The following NAPG variants were observed in gnomAD, a reference collection of about 807,000 sequenced individuals.
The protein encoded by NAPG is gamma-soluble NSF attachment protein.
A neutral mutation model predicts 48.4 loss-of-function variants in NAPG; 25 were observed. The ratio of observed to expected loss-of-function variants is 0.52; its 90% CI spans 0.38 to 0.72. The LOEUF (loss-of-function observed/expected upper bound fraction) is 0.72. NAPG is among the 30% of genes least tolerant of loss of function. The pLI is 0.00. For synonymous variants in NAPG, 139 were observed against 127.2 expected (o/e 1.09, Z -0.62); for missense variants, 359 against 372.5 (o/e 0.96, Z 0.30).
intron 1 of NAPG, among the ~76,000 whole-genome samples, chr18:10,527,489 G>T (rs1194383646): frequency 2.0e-5 from 3 of 152,192 alleles, no homozygotes; most frequent in African/African-American, 7.2e-5. Flanking sequence ...ACAACATTCT[G>T]CTTTCTAGTG....
Position 10,534,250 on chromosome 18 carries a change from C to A in NAPG, c.228-216C>A, listed in dbSNP as rs2031987040. Among the ~76,000 whole-genome samples the A allele has an allele frequency of 6.6e-6, 1 of 152,206 alleles. No homozygotes were observed. Among genetic ancestry groups the A allele is most frequent in the Admixed American group, 6.5e-5 (1 of 15,280 alleles). On this transcript the variant is annotated intron_variant, in intron 4 of 11. Transcript: ENST00000322897. The surrounding 1 kb of genome is among the most constrained non-coding windows in gnomAD (Gnocchi z 5.0). ...TAATTTTGCATCTGCAAAATAAAAT[C>A]TCTTTAACTCAAATGTCTGATGTTC... is the stretch of plus-strand genomic sequence containing the variant.
Position 10,534,921 on chromosome 18 carries a change from AT to A in NAPG, c.258+428del, listed in dbSNP as rs1315948767. Among the ~76,000 whole-genome samples the A allele has an allele frequency of 6.6e-6, 1 of 152,240 alleles. No homozygotes were observed. Among genetic ancestry groups the A allele is most frequent in the Non-Finnish European group, 1.5e-5 (1 of 68,040 alleles). On this transcript the variant is annotated intron_variant, in intron 5 of 11. Transcript: ENST00000322897. The surrounding 1 kb of genome is among the most constrained non-coding windows in gnomAD (Gnocchi z 5.0). ...CAGTTGGCAGCAGAAACAACCACAG[AT>A]TTAAGCTTTTGCTACTTTAATTCAT...
Position 10,534,489 on chromosome 18 carries a change from T to C in NAPG, c.251T>C (p.Met84Thr). 1 of 1,613,150 alleles carries C rather than the reference T, an allele frequency of 6.2e-7. No homozygotes were observed. Among genetic ancestry groups the C allele is most frequent in the Non-Finnish European group, 8.5e-7 (1 of 1,179,338 alleles). Residue 84 changes from methionine to threonine, a missense_variant, in exon 5 of 12, where the codon ATG (methionine) becomes ACG (threonine). By Grantham distance (81) the Met-to-Thr change is moderately conservative. Transcript: ENST00000322897. The surrounding 1 kb of genome is among the most constrained non-coding windows in gnomAD (Gnocchi z 5.0). ...AAKAYEQAGM[M>T]LKEMQKLPEA... Reference sequence around the variant, plus strand: ...AGAGCTTATGAGCAAGCTGGAATGATGTTGAAGGTCAGTAATGTTATGTCA... The same window carrying C: ...AGAGCTTATGAGCAAGCTGGAATGACGTTGAAGGTCAGTAATGTTATGTCA...
intron 2 of NAPG, 107 bp downstream of exon 2, chr18:10,530,944 G>A: frequency 1.1e-6 from 1 of 881,118 alleles, no homozygotes; most frequent in South Asian, 3.3e-5. Flanking sequence ...GGCTTTAATA[G>A]TTAAAAAACA....
At position 10,552,173 on chromosome 18, in the gene NAPG, T is replaced by G. The variant is rs1017626126; in HGVS notation, c.*1953T>G. 4 of 152,194 alleles carry G rather than the reference T, an allele frequency of 2.6e-5. No individual in the cohort carries two copies. The highest frequency in any genetic ancestry group is 9.7e-5 in the African/African-American group (4 of 41,450). 9.4% of individuals were successfully genotyped at this position (152,194 alleles called of 1,614,324 possible). On this transcript the variant is annotated 3_prime_UTR_variant, in exon 12 of 12. Transcript: ENST00000322897. ...GGGAAAAAATTTTTTAATTTTACTCTTCTTATGTACTGAAAACTTTTTTTA... is the reference window on the plus strand; with the variant it reads ...GGGAAAAAATTTTTTAATTTTACTCGTCTTATGTACTGAAAACTTTTTTTA...
chr18:10,546,397 G>T lies in NAPG; in HGVS notation c.578G>T (p.Cys193Phe). 6.5e-7 allele frequency: 1 copy of T among 1,530,980 alleles called. No homozygotes were observed. The highest frequency in any genetic ancestry group is 8.9e-7 in the Non-Finnish European group (1 of 1,123,068). 94.8% of individuals were successfully genotyped at this position (1,530,980 alleles called of 1,614,324 possible). The change falls in exon 9 of 12, where the codon TGT becomes TTT. Residue 193 changes from cysteine (C) to phenylalanine (F), a missense_variant. Coordinates refer to ENST00000322897, the MANE Select transcript of NAPG (RefSeq NM_003826.3). The surrounding 1 kb of genome is among the most constrained non-coding windows in gnomAD (Gnocchi z 4.0). ...IYKEIENYPTCYKKTIAQVLV... is the reference protein window; with the variant it reads ...IYKEIENYPTFYKKTIAQVLV... ...AAGGAAATTGAGAATTATCCAACTT[G>T]TTATAAGGTATTCTTTGAAAGTGTT...
rs496207 is a variant in NAPG, at chr18:10,530,788, A to G, written c.75A>G (p.Leu25=). The part of the protein sequence containing the change: ...KAEKYLKTGF[L]KWKPDYDSAA... The stretch of plus-strand genomic sequence containing the variant: ...ATTCTAGCCTGAAAACTGGTTTTTT[A>G]AAATGGAAGCCAGATTATGACAGTG... The change falls in exon 2 of 12, where the codon TTA becomes TTG. Residue 25 remains leucine (L), a synonymous_variant. Transcript: ENST00000322897. The G allele has an allele frequency of 1.3e-6, 2 of 1,580,160 alleles. No homozygotes were observed. The highest frequency in any genetic ancestry group is 2.4e-5 in the South Asian group (2 of 84,674).
intron 8 of NAPG, among the ~76,000 whole-genome samples, chr18:10,545,562 A>G (rs2032245896): frequency 6.6e-6 from 1 of 152,100 alleles, no homozygotes. Flanking sequence ...CTCAAGTTGT[A>G]CTACTGAGGG....
chr18:10,540,156 C>G, intron 7 of NAPG, 102 bp downstream of exon 7: 2 of 1,131,598 alleles, frequency 1.8e-6, no homozygotes, highest in Non-Finnish European at 2.5e-6. Context: ...AAACTTTTCC[C>G]TGCTCACAGT....
At position 10,546,625 on chromosome 18, in the gene NAPG, G is replaced by A. The variant is rs1418985988; in HGVS notation, c.585+221G>A. Among the ~76,000 whole-genome samples the A allele has an allele frequency of 6.6e-6, 1 of 152,126 alleles. No homozygotes were observed. Among genetic ancestry groups the A allele is most frequent in the African/African-American group, 2.4e-5 (1 of 41,418 alleles). ...ATAAAATACAAAAGCAACCACCCTT[G>A]AACTCTGAAAAGTAAATAAAAAGAG... On this transcript the variant is annotated intron_variant, in intron 9 of 11. Coordinates refer to ENST00000322897, the MANE Select transcript of NAPG (RefSeq NM_003826.3). The surrounding 1 kb of genome is among the most constrained non-coding windows in gnomAD (Gnocchi z 4.0).
At chr18:10,545,691 T>C (rs643757) in intron 8 of NAPG, among the ~76,000 whole-genome samples, 2 of 151,998 alleles carry the variant, frequency 1.3e-5, no homozygotes, top group Admixed American at 6.5e-5. Flanking sequence ...TTGGGGGAAA[T>C]GTTTTGGTGA....
intron 3 of NAPG, chr18:10,533,258 G>A: frequency 2.9e-6 from 1 of 342,764 alleles, no homozygotes; most frequent in Non-Finnish European, 5.2e-6. Context: ...TTTGCAAACT[G>A]TAGTCATAAT....
chr18:10,546,298 T>A lies in NAPG; in HGVS notation c.507-28T>A. On this transcript the variant is annotated intron_variant, in intron 8 of 11. Coordinates refer to ENST00000322897, the MANE Select transcript of NAPG (RefSeq NM_003826.3). This position sits in a 1 kb window ranked among gnomAD's most constrained non-coding sequence, Gnocchi z 4.0. ...CTGCTATAGATCATTTAGACCTGCTTTTTTTACATTTCTGTGTTTTGTTTT... is the reference window on the plus strand; with the variant it reads ...CTGCTATAGATCATTTAGACCTGCTATTTTTACATTTCTGTGTTTTGTTTT... 1 of 1,481,222 alleles carries A rather than the reference T, an allele frequency of 6.8e-7. No individual in the cohort carries two copies. The highest frequency in any genetic ancestry group is 9.2e-7 in the Non-Finnish European group (1 of 1,085,546). The allele number at this position is 1,481,222 out of a possible 1,614,324, so 91.8% of individuals were successfully genotyped here.
rs2032225326 is a variant in NAPG, at chr18:10,544,673, C to G, written c.507-1653C>G. Among the ~76,000 whole-genome samples, 1 of 152,138 alleles carries G rather than the reference C, an allele frequency of 6.6e-6. No homozygotes were observed. The highest frequency in any genetic ancestry group is 2.4e-5 in the African/African-American group (1 of 41,424). On this transcript the variant is annotated intron_variant, in intron 8 of 11. Coordinates refer to ENST00000322897, the MANE Select transcript of NAPG (RefSeq NM_003826.3). This position sits in a 1 kb window ranked among gnomAD's most constrained non-coding sequence, Gnocchi z 5.1. Reference sequence around the variant, plus strand: ...TCACTCGAAGTCAGCTGATTTGTGTCCTAATCACAGGATGGCCCATCATAT... The same window carrying G: ...TCACTCGAAGTCAGCTGATTTGTGTGCTAATCACAGGATGGCCCATCATAT...
At chr18:10,535,938 G>T (rs1470118162) in intron 5 of NAPG, among the ~76,000 whole-genome samples, 1 of 152,084 alleles carries the variant, frequency 6.6e-6, no homozygotes, top group African/African-American at 2.4e-5. Context: ...TTTCTCTTAC[G>T]GCCAAAGAAG....
intron 1 of NAPG, 80 bp downstream of exon 1, chr18:10,526,238 G>GCCTTACCC: frequency 1.2e-6 from 1 of 858,074 alleles, no homozygotes; most frequent in Middle Eastern, 3.7e-4. Flanking sequence ...CCCGGGGGGG[G>GCCTTACCC]CGGGAGGGAG....
At chr18:10,528,635 T>G (rs780996844) in intron 1 of NAPG, among the ~76,000 whole-genome samples, 18 of 152,192 alleles carry the variant, frequency 1.2e-4, no homozygotes, top group Admixed American at 4.6e-4. Context: ...TTGACATGCT[T>G]TAATGAGGTG....
chr18:10,529,410 A>G (rs192617385), intron 1 of NAPG, among the ~76,000 whole-genome samples: 1 of 152,226 alleles, frequency 6.6e-6, no homozygotes, highest in African/African-American at 2.4e-5. Context: ...TATATACACA[A>G]ACAAGTTTTA....
chr18:10,535,986 C>T (rs1304387469), intron 5 of NAPG, among the ~76,000 whole-genome samples: 1 of 152,158 alleles, frequency 6.6e-6, no homozygotes, highest in Non-Finnish European at 1.5e-5. Context: ...TCTCATTTTC[C>T]TCTGAGAATT....
Sources: gnomAD v4.1 joint callset for allele counts (sites outside exome capture counted in the v4.1 genomes callset) on GRCh38, gnomAD v4.1.1 for gene constraint, Gnocchi (gnomAD v3.1) non-coding constraint, MANE v1.5 for transcripts, NCBI Gene and HGNC (gene_info 2026-07-23, HGNC 2026-07-21) for gene names.